The following DLGAP1 variants were observed in gnomAD, a reference collection of about 807,000 sequenced individuals.
DLGAP1 encodes the protein disks large-associated protein 1.
A neutral mutation model predicts 90.8 loss-of-function variants in DLGAP1; 11 were observed. That is an observed-to-expected ratio of 0.12 (90% CI 0.08 to 0.20). DLGAP1 has a LOEUF of 0.20. Among genes scored for constraint, DLGAP1 ranks in the 10% least tolerant of loss-of-function variants. The probability of loss-of-function intolerance (pLI) is 1.00; values close to 1 mark genes in which losing one functional copy is unlikely to be tolerated. For missense variants in DLGAP1, 1,050 were observed against 1,333.8 expected (o/e 0.79, Z 3.31); for synonymous variants, 558 against 540.7 (o/e 1.03, Z -0.44).
Position 3,582,064 on chromosome 18 carries a change from G to A in DLGAP1, c.1776C>T (p.Ser592=). 1.2e-6 allele frequency: 2 copies of A among 1,613,942 alleles called. No homozygotes were observed. The highest frequency in any genetic ancestry group is 1.7e-6 in the Non-Finnish European group (2 of 1,180,000). Reference sequence around the variant, plus strand: ...CTGTCAGAGCCTTCATACTGTCCAGGCTCTCGGTGGAGTTGCTGAGTCCAG... The same window carrying A: ...CTGTCAGAGCCTTCATACTGTCCAGACTCTCGGTGGAGTTGCTGAGTCCAG... ...SQSGLSNSTE[S]LDSMKALTAA... Residue 592 remains serine, a synonymous_variant, in exon 8 of 13, where the codon AGC becomes AGT. Transcript: ENST00000315677.
Position 3,729,084 on chromosome 18 carries a change from C to T in DLGAP1, c.1591+51G>A. On this transcript the variant is annotated intron_variant, in intron 7 of 12. Coordinates refer to ENST00000315677, the MANE Select transcript of DLGAP1 (RefSeq NM_004746.4). This position sits in a 1 kb window ranked among gnomAD's most constrained non-coding sequence, Gnocchi z 6.2. ...CAAGGGCACAGTCTTTGGGGACAGT[C>T]GTGCCATAGCCAGCACAGGGGCCAG... 6.4e-7 allele frequency: 1 copy of T among 1,555,392 alleles called. No homozygotes were observed. Among genetic ancestry groups the T allele is most frequent in the Middle Eastern group, 2.2e-4 (1 of 4,538 alleles).
chr18:3,994,557 A>T (rs1045802099), intron 3 of DLGAP1, among the ~76,000 whole-genome samples: 1 of 152,230 alleles, frequency 6.6e-6, no homozygotes, highest in Non-Finnish European at 1.5e-5. Context: ...TGAAATTTCG[A>T]GTTGCAGAAA....
At chr18:4,256,122 C>A (rs929613863) in intron 1 of DLGAP1, among the ~76,000 whole-genome samples, 1 of 152,148 alleles carries the variant, frequency 6.6e-6, no homozygotes, top group Non-Finnish European at 1.5e-5. Flanking sequence ...GCTCTTCTGG[C>A]CAGTCCTGGG....
intron 7 of DLGAP1, among the ~76,000 whole-genome samples, chr18:3,638,981 T>G (rs2058825019): frequency 6.6e-6 from 1 of 152,232 alleles, no homozygotes; most frequent in Non-Finnish European, 1.5e-5. Flanking sequence ...CACTTAGTGA[T>G]AAATCCACAA....
intron 3 of DLGAP1, among the ~76,000 whole-genome samples, chr18:3,994,882 A>AAAAGAG (rs10645891): frequency 0.052 from 7,893 of 152,248 alleles, 522 homozygotes; most frequent in African/African-American, 0.16. Flanking sequence ...CTAATTTTCT[A>AAAAGAG]AAAGAGAAAT....
chr18:4,094,552 A>G (rs979803682), intron 2 of DLGAP1, among the ~76,000 whole-genome samples: 3 of 146,044 alleles, frequency 2.1e-5, no homozygotes, highest in African/African-American at 7.5e-5. Context: ...CAGTTTTTAT[A>G]TTTATATTTT....
intron 7 of DLGAP1, among the ~76,000 whole-genome samples, chr18:3,641,537 CAAA>C (rs576340963): frequency 2.5e-4 from 16 of 63,292 alleles, no homozygotes; most frequent in Admixed American, 6.5e-4. Flanking sequence ...AACTCCGTCT[CAAA>C]AAAAAAAAAA....
chr18:3,770,763 A>G (rs1224036796), intron 5 of DLGAP1, among the ~76,000 whole-genome samples: 1 of 152,216 alleles, frequency 6.6e-6, no homozygotes, highest in Non-Finnish European at 1.5e-5. Flanking sequence ...TGCCCCATCA[A>G]TCCATTATCA....
At chr18:4,170,553 T>C (rs2077005638) in intron 1 of DLGAP1, among the ~76,000 whole-genome samples, 1 of 151,992 alleles carries the variant, frequency 6.6e-6, no homozygotes, top group Non-Finnish European at 1.5e-5. Context: ...TAGCAGAAAC[T>C]GAGGATAAAC....
chr18:3,685,233 T>G (rs1036028801), intron 7 of DLGAP1, among the ~76,000 whole-genome samples: 2 of 152,094 alleles, frequency 1.3e-5, no homozygotes, highest in Non-Finnish European at 2.9e-5. Flanking sequence ...TGGAGCAAGG[T>G]GTCTTTCTCT....
At chr18:3,826,098 G>A (rs1456905334) in intron 4 of DLGAP1, among the ~76,000 whole-genome samples, 2 of 152,082 alleles carry the variant, frequency 1.3e-5, no homozygotes, top group African/African-American at 2.4e-5. Flanking sequence ...ACATAAAGAT[G>A]GCAACAGTAG....
At chr18:4,316,075 A>C (rs987445249) in intron 1 of DLGAP1, among the ~76,000 whole-genome samples, 2 of 152,214 alleles carry the variant, frequency 1.3e-5, no homozygotes, top group Non-Finnish European at 2.9e-5. Flanking sequence ...TTTCATTGCT[A>C]TCTATGCCTT....
intron 3 of DLGAP1, among the ~76,000 whole-genome samples, chr18:3,909,147 C>A (rs1334548543): frequency 2.0e-5 from 3 of 152,160 alleles, no homozygotes; most frequent in African/African-American, 7.2e-5. Context: ...GCCATGACAG[C>A]CTTTAGTGAT....
rs1194496644 is a variant in DLGAP1, at chr18:4,424,702, C to T, written c.-267+30304G>A. On this transcript the variant is annotated intron_variant, in intron 1 of 12. Transcript: ENST00000315677. The stretch of plus-strand genomic sequence containing the variant: ...TCTGAAAGAGAAAAGTTATTAATCA[C>T]AAATTGGAAAAGATAAAAGCAGTAG... Among the ~76,000 whole-genome samples, 4 of 152,080 alleles carry T rather than the reference C, an allele frequency of 2.6e-5. No individual in the cohort carries two copies. In the East Asian group the frequency reaches 7.7e-4, roughly 29 times the overall value.
chr18:3,925,688 A>G (rs2072367133), intron 3 of DLGAP1, among the ~76,000 whole-genome samples: 1 of 152,240 alleles, frequency 6.6e-6, no homozygotes, highest in Non-Finnish European at 1.5e-5. Flanking sequence ...GTCTGTTTTC[A>G]AAGCCACAGG....
chr18:4,067,414 T>C (rs942806754), intron 2 of DLGAP1, among the ~76,000 whole-genome samples: 2 of 151,922 alleles, frequency 1.3e-5, no homozygotes, highest in African/African-American at 4.8e-5. Context: ...AAAGCCACAA[T>C]GGGAAGTGGG....
intron 2 of DLGAP1, among the ~76,000 whole-genome samples, chr18:4,023,278 C>T (rs1333945561): frequency 6.6e-6 from 1 of 151,760 alleles, no homozygotes; most frequent in African/African-American, 2.4e-5. Context: ...TCTTTTTCTC[C>T]TTTCTTTTCT....
intron 7 of DLGAP1, among the ~76,000 whole-genome samples, chr18:3,589,466 T>A (rs2056106769): frequency 6.6e-6 from 1 of 152,192 alleles, no homozygotes; most frequent in South Asian, 2.1e-4. Context: ...ATTTAGCAGT[T>A]CCTGATTACT....
chr18:3,780,218 T>C (rs1159190858), intron 5 of DLGAP1, among the ~76,000 whole-genome samples: 1 of 152,228 alleles, frequency 6.6e-6, no homozygotes, highest in African/African-American at 2.4e-5. Flanking sequence ...CACAGTTTAG[T>C]TATTTAAAGA....
Sources: allele counts gnomAD v4.1 joint callset (sites outside exome capture counted in the v4.1 genomes callset), GRCh38; gene constraint gnomAD v4.1.1; non-coding constraint Gnocchi (gnomAD v3.1); transcripts MANE v1.5; gene names NCBI Gene and HGNC (gene_info 2026-07-23, HGNC 2026-07-21).